Variants in KCND2 observed in about 807,000 individuals in gnomAD.
KCND2 encodes the protein potassium voltage-gated channel subfamily D member 2.
In KCND2, 16 loss-of-function variants were observed where a neutral mutation model predicts 54.4. That is an observed-to-expected ratio of 0.29 (90% CI 0.20 to 0.45). The LOEUF (loss-of-function observed/expected upper bound fraction) is 0.45, where lower values mean the gene tolerates loss of function less well. Ranked by LOEUF, KCND2 falls within the 20% of genes least tolerant of loss-of-function variation. The pLI, the probability that KCND2 is intolerant of heterozygous loss-of-function variation, is 1.00. For synonymous variants in KCND2, 317 were observed against 310.7 expected, an observed-to-expected ratio of 1.02 and a Z score of -0.21; for missense variants, 486 against 824.2, an observed-to-expected ratio of 0.59 and a Z score of 5.02.
At chr7:120,609,824 G>A (rs749372280) in intron 1 of KCND2, among the ~76,000 whole-genome samples, 2 of 152,110 alleles carry the variant, frequency 1.3e-5, no homozygotes, top group Non-Finnish European at 2.9e-5. Context: ...TTTCAACCAA[G>A]TGTGGGGCTC....
chr7:120,372,199 A>G (rs899825370), intron 1 of KCND2, among the ~76,000 whole-genome samples: 1 of 151,946 alleles, frequency 6.6e-6, no homozygotes, highest in Non-Finnish European at 1.5e-5. Flanking sequence ...TGATACTCTT[A>G]TAAGTGTAAT....
chr7:120,688,361 A>T (rs1792229685), intron 1 of KCND2, among the ~76,000 whole-genome samples: 1 of 152,184 alleles, frequency 6.6e-6, no homozygotes, highest in South Asian at 2.1e-4. Context: ...GAGTTTCAAT[A>T]AAATTTCATT....
chr7:120,679,311 C>A (rs888365875), intron 1 of KCND2, among the ~76,000 whole-genome samples: 1 of 151,636 alleles, frequency 6.6e-6, no homozygotes, highest in Admixed American at 6.6e-5. Context: ...CATTTTTAGG[C>A]TTCTAATATT....
At chr7:120,343,314 A>T (rs1356387747) in intron 1 of KCND2, among the ~76,000 whole-genome samples, 1 of 152,130 alleles carries the variant, frequency 6.6e-6, no homozygotes, top group Non-Finnish European at 1.5e-5. Flanking sequence ...TAGATGTTAA[A>T]TCAGAAGTTA....
At chr7:120,595,460 A>ATAT (rs1554373350) in intron 1 of KCND2, among the ~76,000 whole-genome samples, 7 of 112,958 alleles carry the variant, frequency 6.2e-5, no homozygotes, top group African/African-American at 1.9e-4. Flanking sequence ...CCAAAAAAAA[A>ATAT]ATATATATAT....
rs1002620394 is a variant in KCND2 at position 120,749,078 on chromosome 7, A to G, written c.*1220A>G. On this transcript the variant is annotated 3_prime_UTR_variant, in exon 6 of 6. Coordinates refer to ENST00000331113, the MANE Select transcript of KCND2 (RefSeq NM_012281.3). Reference sequence around the variant, plus strand: ...ATGAACAGAATTGACTGGGACTAATATCACAGGATCAATCATCTCAGAATC... The same window carrying G: ...ATGAACAGAATTGACTGGGACTAATGTCACAGGATCAATCATCTCAGAATC... 2.0e-5 allele frequency: 3 copies of G among 152,010 alleles called. No homozygotes were observed. The highest frequency in any genetic ancestry group is 4.4e-5 in the Non-Finnish European group (3 of 67,882). 9.4% of individuals were successfully genotyped at this position (152,010 alleles called of 1,614,324 possible).
chr7:120,578,930 A>ACACACACACACG (rs1165263506), intron 1 of KCND2, among the ~76,000 whole-genome samples: 1 of 152,026 alleles, frequency 6.6e-6, no homozygotes, highest in Non-Finnish European at 1.5e-5. Flanking sequence ...ACACACACAC[A>ACACACACACACG]CACACACACA....
chr7:120,732,333 G>A (rs1204717656), intron 1 of KCND2, among the ~76,000 whole-genome samples: 1 of 152,136 alleles, frequency 6.6e-6, no homozygotes, highest in African/African-American at 2.4e-5. Flanking sequence ...TTCAAGGAGA[G>A]AATAGTCAAC....
chr7:120,741,047 TAA>T (rs74914740), intron 2 of KCND2, among the ~76,000 whole-genome samples: 4,392 of 136,638 alleles, frequency 0.032, 210 homozygotes, highest in African/African-American at 0.11. Flanking sequence ...TAATGATTCT[TAA>T]AAAAAAAAAA....
intron 1 of KCND2, among the ~76,000 whole-genome samples, chr7:120,550,498 G>T (rs1459124791): frequency 6.6e-6 from 1 of 152,128 alleles, no homozygotes; most frequent in African/African-American, 2.4e-5. Context: ...ATCATGTTCA[G>T]TTGGCCAAAT....
intron 1 of KCND2, among the ~76,000 whole-genome samples, chr7:120,635,905 A>G (rs796089435): frequency 6.6e-6 from 1 of 152,192 alleles, no homozygotes; most frequent in South Asian, 2.1e-4. Context: ...AACATTTAAA[A>G]CAATGGAATA....
chr7:120,731,710 T>C (rs1472887561), intron 1 of KCND2, among the ~76,000 whole-genome samples: 1 of 152,206 alleles, frequency 6.6e-6, no homozygotes. Context: ...AGAAGCTATA[T>C]CTATGGCTCT....
intron 1 of KCND2, among the ~76,000 whole-genome samples, chr7:120,545,276 A>G (rs1792029530): frequency 6.6e-6 from 1 of 151,920 alleles, no homozygotes; most frequent in Non-Finnish European, 1.5e-5. Flanking sequence ...ATGAGATAGT[A>G]CAAGATCAAA....
intron 1 of KCND2, among the ~76,000 whole-genome samples, chr7:120,633,911 G>A (rs538754973): frequency 7.9e-5 from 12 of 152,290 alleles, no homozygotes; most frequent in African/African-American, 2.9e-4. Flanking sequence ...AAGTTGGGTA[G>A]TATAGCAAGG....
intron 1 of KCND2, among the ~76,000 whole-genome samples, chr7:120,622,145 A>G (rs1482243907): frequency 6.6e-6 from 1 of 152,154 alleles, no homozygotes; most frequent in Non-Finnish European, 1.5e-5. Context: ...CCCAAAATAA[A>G]TAGTCCTCTA....
intron 1 of KCND2, among the ~76,000 whole-genome samples, chr7:120,309,550 G>GACACAC (rs200135604): frequency 7.4e-6 from 1 of 134,492 alleles, no homozygotes; most frequent in African/African-American, 2.7e-5. Context: ...ACCCCCCACA[G>GACACAC]ACACACACAC....
At chr7:120,414,221 G>C (rs1678988215) in intron 1 of KCND2, among the ~76,000 whole-genome samples, 1 of 151,994 alleles carries the variant, frequency 6.6e-6, no homozygotes, top group Admixed American at 6.6e-5. Context: ...TTTGTATAGA[G>C]AGTGTGATTC....
chr7:120,490,323 G>A (rs1442499726), intron 1 of KCND2, among the ~76,000 whole-genome samples: 1 of 152,114 alleles, frequency 6.6e-6, no homozygotes, highest in Admixed American at 6.6e-5. Flanking sequence ...TGTAGTAGTT[G>A]CAAATATCTT....
At chr7:120,371,560 A>T (rs1485829286) in intron 1 of KCND2, among the ~76,000 whole-genome samples, 1 of 151,926 alleles carries the variant, frequency 6.6e-6, no homozygotes, top group Non-Finnish European at 1.5e-5. Context: ...AGTTGATTTT[A>T]AGATTCCATA....
Sources: allele counts gnomAD v4.1 joint callset (sites outside exome capture counted in the v4.1 genomes callset), GRCh38; gene constraint gnomAD v4.1.1; transcripts MANE v1.5; gene names NCBI Gene and HGNC (gene_info 2026-07-23, HGNC 2026-07-21).